Variants in SLC60A1 observed in about 807,000 individuals in gnomAD.
SLC60A1 encodes the protein major facilitator superfamily domain containing 4.
chr1:205,578,491 T>C, the SLC60A1 span, among the ~76,000 whole-genome samples: 3 of 152,174 alleles, frequency 2.0e-5, no homozygotes, highest in Non-Finnish European at 4.4e-5. Context: ...ATGACTGTCA[T>C]GATCGGTAAT....
At chr1:205,569,279 CG>C in the SLC60A1 span, 4 of 1,545,262 alleles carry the variant, frequency 2.6e-6, no homozygotes, top group Non-Finnish European at 2.6e-6. Context: ...GCAGCGCCCT[CG>C]GGGGCGTCTT....
At chr1:205,584,717 T>C in the SLC60A1 span, among the ~76,000 whole-genome samples, 1 of 150,940 alleles carries the variant, frequency 6.6e-6, no homozygotes, top group Non-Finnish European at 1.5e-5. Flanking sequence ...GACTGGGAGA[T>C]GGACAGGGGT....
the SLC60A1 span, among the ~76,000 whole-genome samples, chr1:205,576,873 C>T: frequency 1.3e-5 from 2 of 152,116 alleles, no homozygotes; most frequent in Non-Finnish European, 2.9e-5. Context: ...AGGTCTCCAT[C>T]GCCCTAACCT....
chr1:205,594,639 C>T, the SLC60A1 span, among the ~76,000 whole-genome samples: 1 of 113,752 alleles, frequency 8.8e-6, no homozygotes, highest in Non-Finnish European at 1.9e-5. Flanking sequence ...CAGAGCAAGA[C>T]TCTGTCTCAA....
At chr1:205,575,096 G>C in the SLC60A1 span, among the ~76,000 whole-genome samples, 1 of 152,176 alleles carries the variant, frequency 6.6e-6, no homozygotes, top group Admixed American at 6.5e-5. Flanking sequence ...CTGAGATAGA[G>C]TCACCAGCCT....
the SLC60A1 span, among the ~76,000 whole-genome samples, chr1:205,594,647 CAAA>C: frequency 0.065 from 8,657 of 132,838 alleles, 461 homozygotes; most frequent in African/African-American, 0.16. Flanking sequence ...GACTCTGTCT[CAAA>C]AAAAAAAAAA....
the SLC60A1 span, among the ~76,000 whole-genome samples, chr1:205,586,641 A>G: frequency 6.6e-6 from 1 of 151,574 alleles, no homozygotes; most frequent in Non-Finnish European, 1.5e-5. Context: ...AACCGTCGGA[A>G]TCACTGCCTC....
At chr1:205,589,712 C>G in the SLC60A1 span, among the ~76,000 whole-genome samples, 2 of 152,064 alleles carry the variant, frequency 1.3e-5, no homozygotes, top group African/African-American at 4.8e-5. Context: ...CTCAGCCTAC[C>G]AAAGTGGTAG....
At chr1:205,591,499 A>G in the SLC60A1 span, among the ~76,000 whole-genome samples, 1 of 133,534 alleles carries the variant, frequency 7.5e-6, no homozygotes, top group Non-Finnish European at 1.8e-5. Flanking sequence ...AAAAAAAAAA[A>G]AAAGGAAAGA....
At chr1:205,596,614 T>C in the SLC60A1 span, among the ~76,000 whole-genome samples, 36 of 127,502 alleles carry the variant, frequency 2.8e-4, no homozygotes, top group African/African-American at 1.1e-3. Flanking sequence ...AGGAGGAGGA[T>C]GAATGTTCAG....
chr1:205,570,941 G>A, the SLC60A1 span, among the ~76,000 whole-genome samples: 4 of 152,180 alleles, frequency 2.6e-5, no homozygotes, highest in African/African-American at 9.7e-5. Flanking sequence ...CAGCAGAGAT[G>A]CACACCCACC....
At chr1:205,569,176 G>T in the SLC60A1 span, 5 of 1,543,560 alleles carry the variant, frequency 3.2e-6, no homozygotes, top group Non-Finnish European at 4.4e-6. Context: ...GCCTTCCTGG[G>T]GCCCACGCTG....
chr1:205,579,353 C>T, the SLC60A1 span, among the ~76,000 whole-genome samples: 1 of 152,192 alleles, frequency 6.6e-6, no homozygotes, highest in African/African-American at 2.4e-5. Flanking sequence ...AGGTTCCATC[C>T]AGGTGGGTCC....
chr1:205,579,767 T>G, the SLC60A1 span: 5 of 1,614,136 alleles, frequency 3.1e-6, no homozygotes, highest in Non-Finnish European at 4.2e-6. Flanking sequence ...CCAGTCACTA[T>G]GGGCCCTGTT....
the SLC60A1 span, chr1:205,581,026 G>A: frequency 9.3e-5 from 133 of 1,427,550 alleles, no homozygotes; most frequent in African/African-American, 1.7e-3. The surrounding 1 kb of genome is among the most constrained non-coding windows in gnomAD (Gnocchi z 4.2). Flanking sequence ...GAAACGTGCT[G>A]GGGCTGAGGT....
At chr1:205,570,783 G>A in the SLC60A1 span, among the ~76,000 whole-genome samples, 1 of 152,190 alleles carries the variant, frequency 6.6e-6, no homozygotes, top group Non-Finnish European at 1.5e-5. Context: ...AAGTATCTGT[G>A]GCTAGCACAG....
the SLC60A1 span, chr1:205,585,020 C>G: frequency 6.3e-7 from 1 of 1,574,884 alleles, no homozygotes; most frequent in Non-Finnish European, 8.7e-7. This position sits in a 1 kb window ranked among gnomAD's most constrained non-coding sequence, Gnocchi z 4.2. Context: ...GCGCCCCCTA[C>G]TGGGGGACCC....
At chr1:205,589,517 G>T in the SLC60A1 span, among the ~76,000 whole-genome samples, 1 of 152,224 alleles carries the variant, frequency 6.6e-6, no homozygotes, top group African/African-American at 2.4e-5. Context: ...GCATCTCACA[G>T]ATACATTTAT....
chr1:205,580,610 G>T, the SLC60A1 span: 1 of 1,592,220 alleles, frequency 6.3e-7, no homozygotes, highest in Admixed American at 1.7e-5. This position sits in a 1 kb window ranked among gnomAD's most constrained non-coding sequence, Gnocchi z 5.0. Context: ...CCACTTCCCC[G>T]GGCTGAAGAC....
Sources: gnomAD v4.1 joint callset for allele counts (sites outside exome capture counted in the v4.1 genomes callset) on GRCh38, gnomAD v4.1.1 for gene constraint, Gnocchi (gnomAD v3.1) non-coding constraint, MANE v1.5 for transcripts, NCBI Gene and HGNC (gene_info 2026-07-23, HGNC 2026-07-21) for gene names.